RIMBP2: variants seen among roughly 807,000 people sequenced by gnomAD.
RIMBP2 encodes the protein RIMS-binding protein 2.
Under a neutral mutation model 118.6 loss-of-function variants are expected in RIMBP2, and 48 were observed. That is an observed-to-expected ratio of 0.40 (90% CI 0.32 to 0.51). RIMBP2 has a LOEUF of 0.51. Among genes scored for constraint, RIMBP2 ranks in the 20% least tolerant of loss-of-function variants. The pLI is 0.41. For synonymous variants in RIMBP2, 762 were observed against 742.9 expected (o/e 1.03, Z -0.42); for missense variants, 1,551 against 1,768.3 (o/e 0.88, Z 2.20).
chr12:130,405,783 T>TTTTGG (rs1290395566), intron 21 of RIMBP2, among the ~76,000 whole-genome samples: 2 of 151,586 alleles, frequency 1.3e-5, no homozygotes, highest in Non-Finnish European at 2.9e-5. Flanking sequence ...TTTTGTTTTG[T>TTTTGG]TTTTGCTTAT....
chr12:130,446,975 C>T lies in RIMBP2; in HGVS notation c.582-1706G>A, dbSNP rs1176704851. ...GCTTTCTGGCCTCAGGGTGAGCAGG[C>T]GGGGACACAAGTCACTGAGTGGGGG... On this transcript the variant is annotated intron_variant, in intron 9 of 22. Transcript: ENST00000690449. This position sits in a 1 kb window ranked among gnomAD's most constrained non-coding sequence, Gnocchi z 4.1. Among the ~76,000 whole-genome samples the T allele has an allele frequency of 1.6e-5, 2 of 128,380 alleles. No individual in the cohort carries two copies. The highest frequency in any genetic ancestry group is 2.4e-4 in the South Asian group (1 of 4,098). 84.2% of individuals were successfully genotyped at this position (128,380 alleles called of 152,430 possible). A position where few individuals can be genotyped will look rare whatever the true frequency, so the allele number is the denominator to read the frequency against.
chr12:130,402,927 G>T (rs1555235382), intron 21 of RIMBP2, among the ~76,000 whole-genome samples: 1 of 152,218 alleles, frequency 6.6e-6, no homozygotes, highest in Non-Finnish European at 1.5e-5. Context: ...ACACGATGGG[G>T]TGTTAGAAGT....
At position 130,434,927 on chromosome 12, in the gene RIMBP2, G is replaced by C; in HGVS notation, c.2107-47C>G. Reference sequence around the variant, plus strand: ...CACGGGTGAGGCAGGGCCACCTTCAGCTACGCTCAGCCCCACCTGCATTCA... The same window carrying C: ...CACGGGTGAGGCAGGGCCACCTTCACCTACGCTCAGCCCCACCTGCATTCA... On this transcript the variant is annotated intron_variant, in intron 13 of 22. Coordinates refer to ENST00000690449, the MANE Select transcript of RIMBP2 (RefSeq NM_001393629.1). This position sits in a 1 kb window ranked among gnomAD's most constrained non-coding sequence, Gnocchi z 5.7. 2 of 1,556,798 alleles carry C rather than the reference G, an allele frequency of 1.3e-6. No homozygotes were observed. Among genetic ancestry groups the C allele is most frequent in the Non-Finnish European group, 1.7e-6 (2 of 1,151,494 alleles).
intron 2 of RIMBP2, among the ~76,000 whole-genome samples, chr12:130,567,996 A>G (rs1400263454): frequency 6.6e-6 from 1 of 151,676 alleles, no homozygotes; most frequent in Non-Finnish European, 1.5e-5. Context: ...GCACCAATTA[A>G]AAAAAAAGGC....
chr12:130,533,909 T>TA (rs2139398425), intron 2 of RIMBP2, among the ~76,000 whole-genome samples: 1 of 152,178 alleles, frequency 6.6e-6, no homozygotes, highest in Non-Finnish European at 1.5e-5. Flanking sequence ...CTCATGCCTG[T>TA]AATCCCAGCA....
At chr12:130,564,250 G>A (rs552780191) in intron 2 of RIMBP2, among the ~76,000 whole-genome samples, 144 of 152,042 alleles carry the variant, frequency 9.5e-4, no homozygotes, top group Non-Finnish European at 1.5e-3. Context: ...TATTTCATCC[G>A]ACGCCACCCT....
chr12:130,668,894 GAGCCA>G (rs1316407851), intron 1 of RIMBP2, among the ~76,000 whole-genome samples: 2 of 152,218 alleles, frequency 1.3e-5, no homozygotes, highest in African/African-American at 4.8e-5. Flanking sequence ...AAGCCAAGTT[GAGCCA>G]AGCCAAGCCC....
At position 130,453,131 on chromosome 12, in the gene RIMBP2, A is replaced by G. The variant is rs1264507616; in HGVS notation, c.359-1791T>C. Among the ~76,000 whole-genome samples, 3 of 152,268 alleles carry G rather than the reference A, an allele frequency of 2.0e-5. No homozygotes were observed. In the East Asian group the frequency reaches 5.8e-4, roughly 30 times the overall value. ...ACCCAGCTCCCATACTGGAAGGAAAACTGGCTGCGCCAGGGATAGGAGAGG... is the reference window on the plus strand; with the variant it reads ...ACCCAGCTCCCATACTGGAAGGAAAGCTGGCTGCGCCAGGGATAGGAGAGG... On this transcript the variant is annotated intron_variant, in intron 7 of 22. Coordinates refer to ENST00000690449, the MANE Select transcript of RIMBP2 (RefSeq NM_001393629.1).
intron 3 of RIMBP2, among the ~76,000 whole-genome samples, chr12:130,516,146 A>C (rs2051431884): frequency 6.6e-6 from 1 of 152,212 alleles, no homozygotes; most frequent in Non-Finnish European, 1.5e-5. Context: ...GTTTCCCTAC[A>C]TCCTCATCAA....
At chr12:130,567,676 C>T (rs2057325272) in intron 2 of RIMBP2, among the ~76,000 whole-genome samples, 1 of 152,210 alleles carries the variant, frequency 6.6e-6, no homozygotes, top group Non-Finnish European at 1.5e-5. Context: ...CACATATCCC[C>T]CTGGGCATAG....
intron 1 of RIMBP2, among the ~76,000 whole-genome samples, chr12:130,645,615 C>A (rs1188451991): frequency 6.6e-6 from 1 of 152,186 alleles, no homozygotes; most frequent in Admixed American, 6.5e-5. Flanking sequence ...GCCTGGGGGA[C>A]AAGGTCAAAG....
chr12:130,500,759 C>T (rs1303501446), intron 4 of RIMBP2, among the ~76,000 whole-genome samples: 1 of 152,144 alleles, frequency 6.6e-6, no homozygotes, highest in Admixed American at 6.5e-5. Flanking sequence ...CCTCTTACCC[C>T]TCAGTCACTT....
At position 130,697,415 on chromosome 12, in the gene RIMBP2, C is replaced by T. The variant is rs545882655; in HGVS notation, c.-352+18807G>A. On this transcript the variant is annotated intron_variant, in intron 1 of 22. Coordinates refer to ENST00000690449, the MANE Select transcript of RIMBP2 (RefSeq NM_001393629.1). ...GTGGACGCCTGTGGTCCCAGCTACTCGGGAGGCTGAGGCGAGAGGATTGCT... is the reference window on the plus strand; with the variant it reads ...GTGGACGCCTGTGGTCCCAGCTACTTGGGAGGCTGAGGCGAGAGGATTGCT... Among the ~76,000 whole-genome samples, 4 of 152,208 alleles carry T rather than the reference C, an allele frequency of 2.6e-5. 1 individual carries two copies. The highest frequency in any genetic ancestry group is 7.2e-5 in the African/African-American group (3 of 41,546).
intron 1 of RIMBP2, among the ~76,000 whole-genome samples, chr12:130,699,904 T>TAAAAA (rs33963621): frequency 1.1e-4 from 9 of 85,664 alleles, no homozygotes; most frequent in Admixed American, 4.2e-4. Context: ...GACTCTGTCT[T>TAAAAA]AAAAAAAAAA....
chr12:130,678,370 G>A (rs12371091), intron 1 of RIMBP2, among the ~76,000 whole-genome samples: 1 of 152,256 alleles, frequency 6.6e-6, no homozygotes, highest in East Asian at 1.9e-4. Flanking sequence ...ATAGGTGGAC[G>A]AGCGGATCGT....
intron 1 of RIMBP2, among the ~76,000 whole-genome samples, chr12:130,645,249 G>A (rs1050903502): frequency 9.2e-5 from 14 of 152,040 alleles, no homozygotes; most frequent in East Asian, 3.9e-4. Context: ...TGTCCACCAC[G>A]CCTGGCAAAT....
At chr12:130,466,092 A>G (rs1739230545) in intron 6 of RIMBP2, 1 of 152,194 alleles carries the variant, frequency 6.6e-6, no homozygotes, top group Admixed American at 6.5e-5. Context: ...TGAAATGGGC[A>G]TTATCTTGTG....
At chr12:130,684,550 G>A (rs892723581) in intron 1 of RIMBP2, among the ~76,000 whole-genome samples, 1 of 152,242 alleles carries the variant, frequency 6.6e-6, no homozygotes, top group Non-Finnish European at 1.5e-5. Flanking sequence ...TTTAGGAGGT[G>A]AGGTGTTTCC....
rs1183088353 is a variant in RIMBP2, at chr12:130,431,295, CA to C, written c.2254-2959del. ...TGTCTTGGAGCAGATGGGATAGCGC[CA>C]GGGGGTAAGGGCTCATGTGACGGGG... On this transcript the variant is annotated intron_variant, in intron 14 of 22. Coordinates refer to ENST00000690449, the MANE Select transcript of RIMBP2 (RefSeq NM_001393629.1). The surrounding 1 kb of genome is among the most constrained non-coding windows in gnomAD (Gnocchi z 4.0). 3 of 207,718 alleles carry C rather than the reference CA, an allele frequency of 1.4e-5. No individual in the cohort carries two copies. The highest frequency in any genetic ancestry group is 2.9e-4 in the East Asian group (2 of 6,950). 12.9% of individuals were successfully genotyped at this position (207,718 alleles called of 1,614,324 possible).
Sources: allele counts gnomAD v4.1 joint callset (sites outside exome capture counted in the v4.1 genomes callset), GRCh38; gene constraint gnomAD v4.1.1; non-coding constraint Gnocchi (gnomAD v3.1); transcripts MANE v1.5; gene names NCBI Gene and HGNC (gene_info 2026-07-23, HGNC 2026-07-21).